AMZ1: variants seen among roughly 807,000 people sequenced by gnomAD.
The protein encoded by AMZ1 is archaelysin family metallopeptidase 1.
Under a neutral mutation model 29.9 loss-of-function variants are expected in AMZ1, and 39 were observed. The ratio of observed to expected loss-of-function variants is 1.30; its 90% confidence interval spans 1.01 to 1.70. AMZ1 has a LOEUF of 1.70. Ranked by LOEUF, AMZ1 falls within the 40% of genes most tolerant of loss-of-function variation. AMZ1 has a pLI of 0.00. For missense variants in AMZ1, 1,041 were observed against 680.6 expected (o/e 1.53, Z -5.89); for synonymous variants, 458 against 304.0 (o/e 1.51, Z -5.27).
intron 4 of AMZ1, among the ~76,000 whole-genome samples, chr7:2,746,431 T>C (rs1583227891): frequency 1.3e-5 from 2 of 151,946 alleles, no homozygotes; most frequent in Non-Finnish European, 2.9e-5. Context: ...GGGTACATAA[T>C]GAAATGAAGG....
intron 1 of AMZ1, among the ~76,000 whole-genome samples, chr7:2,698,435 G>T (rs1297057349): frequency 6.6e-6 from 1 of 152,102 alleles, no homozygotes; most frequent in Non-Finnish European, 1.5e-5. Flanking sequence ...CCACTTGGGA[G>T]GCTGGGGCAG....
rs1790904867 is a variant in AMZ1, at chr7:2,749,133, C to A, written n.551-15579C>A. Among the ~76,000 whole-genome samples the A allele has an allele frequency of 2.0e-5, 3 of 152,142 alleles. No individual in the cohort carries two copies. The South Asian group carries it at 6.2e-4, about 32-fold the overall frequency. ...CCTCAGGGATCTAGAACTAGAAATACCATTGGACCCAGCCATCCCATTACT... is the reference window on the plus strand; with the variant it reads ...CCTCAGGGATCTAGAACTAGAAATAACATTGGACCCAGCCATCCCATTACT... On this transcript the variant is annotated intron_variant and non_coding_transcript_variant, in intron 4 of 4. Transcript: ENST00000489665.
At chr7:2,706,078 G>A (rs1194308866) in intron 3 of AMZ1, among the ~76,000 whole-genome samples, 3 of 152,244 alleles carry the variant, frequency 2.0e-5, no homozygotes, top group Non-Finnish European at 2.9e-5. Context: ...AGGTGCACGG[G>A]GGAGCCCTCG....
chr7:2,694,721 G>A (rs1787602523), intron 1 of AMZ1, among the ~76,000 whole-genome samples: 1 of 151,092 alleles, frequency 6.6e-6, no homozygotes, highest in African/African-American at 2.4e-5. Flanking sequence ...CACTCAGGCT[G>A]GAGTGCAGTG....
intron 4 of AMZ1, among the ~76,000 whole-genome samples, chr7:2,736,939 C>A (rs1397240763): frequency 6.6e-6 from 1 of 152,364 alleles, no homozygotes; most frequent in East Asian, 1.9e-4. Context: ...ACCAGACCCT[C>A]GAGATCAGTA....
chr7:2,751,805 G>A (rs542328305), intron 4 of AMZ1, among the ~76,000 whole-genome samples: 5 of 152,108 alleles, frequency 3.3e-5, no homozygotes, highest in Non-Finnish European at 7.4e-5. Flanking sequence ...TTCCCAAAAC[G>A]GATACTGTAT....
At chr7:2,696,070 G>C (rs927066816) in intron 1 of AMZ1, among the ~76,000 whole-genome samples, 1 of 150,964 alleles carries the variant, frequency 6.6e-6, no homozygotes, top group Non-Finnish European at 1.5e-5. Flanking sequence ...AAATCTGTGT[G>C]TTCCAACCCC....
intron 3 of AMZ1, among the ~76,000 whole-genome samples, chr7:2,704,883 A>G (rs1309200302): frequency 6.6e-6 from 1 of 152,122 alleles, no homozygotes; most frequent in Non-Finnish European, 1.5e-5. Flanking sequence ...GGTGTGAGCC[A>G]CTGCGCCCGG....
intron 1 of AMZ1, among the ~76,000 whole-genome samples, chr7:2,688,615 G>A (rs1037860579): frequency 1.3e-5 from 2 of 152,220 alleles, no homozygotes; most frequent in Non-Finnish European, 2.9e-5. Context: ...GCTTCCCGAT[G>A]GGAGCAAACT....
At chr7:2,699,029 A>C (rs1343736929) in intron 1 of AMZ1, among the ~76,000 whole-genome samples, 3 of 151,988 alleles carry the variant, frequency 2.0e-5, no homozygotes, top group Admixed American at 6.6e-5. Flanking sequence ...GGGTCTATTC[A>C]CACGTCCTTA....
chr7:2,686,353 C>T (rs932025045), upstream of AMZ1, among the ~76,000 whole-genome samples: 2 of 152,058 alleles, frequency 1.3e-5, no homozygotes, highest in East Asian at 1.9e-4. Flanking sequence ...AGCAACATAG[C>T]GAGATCCCAT....
At chr7:2,727,691 G>C (rs1045906776) in intron 4 of AMZ1, among the ~76,000 whole-genome samples, 1 of 152,112 alleles carries the variant, frequency 6.6e-6, no homozygotes, top group African/African-American at 2.4e-5. Context: ...CTACATGCCA[G>C]GCTTTGTTTG....
chr7:2,760,347 C>T (rs1230026891), upstream of AMZ1: 1 of 152,406 alleles, frequency 6.6e-6, no homozygotes, highest in Non-Finnish European at 1.5e-5. Flanking sequence ...CTTACCAGTA[C>T]ACCAGGGGGA....
intron 1 of AMZ1, among the ~76,000 whole-genome samples, chr7:2,690,311 A>G (rs978314711): frequency 6.6e-6 from 1 of 152,172 alleles, no homozygotes; most frequent in Non-Finnish European, 1.5e-5. Context: ...CTCGACCTCC[A>G]GGGCGAAAGC....
chr7:2,691,475 G>T (rs1787382268), intron 1 of AMZ1, among the ~76,000 whole-genome samples: 3 of 148,950 alleles, frequency 2.0e-5, no homozygotes, highest in African/African-American at 7.8e-5. Context: ...GGGCGCGGTG[G>T]CTCACACATA....
chr7:2,731,380 T>C lies in AMZ1; in HGVS notation n.550+21564T>C, dbSNP rs753239425. 5.6e-6 allele frequency: 9 copies of C among 1,613,122 alleles called. No individual in the cohort carries two copies. The highest frequency in any genetic ancestry group is 5.9e-6 in the Non-Finnish European group (7 of 1,179,444). On this transcript the variant is annotated intron_variant and non_coding_transcript_variant, in intron 4 of 4. Transcript: ENST00000489665. The surrounding 1 kb of genome is among the most constrained non-coding windows in gnomAD (Gnocchi z 6.0). Reference sequence around the variant, plus strand: ...CAGCCTGTGCGGGTCGCCCCTGAAGTCCGGGAAGTGCTTCTTGATGCTCAC... The same window carrying C: ...CAGCCTGTGCGGGTCGCCCCTGAAGCCCGGGAAGTGCTTCTTGATGCTCAC...
intron 3 of AMZ1, among the ~76,000 whole-genome samples, chr7:2,705,768 G>A (rs1026984486): frequency 6.6e-6 from 1 of 152,208 alleles, no homozygotes; most frequent in Non-Finnish European, 1.5e-5. Context: ...CACTCCACAG[G>A]CTTCCCCAGC....
intron 4 of AMZ1, among the ~76,000 whole-genome samples, chr7:2,759,402 C>G (rs1791455014): frequency 6.6e-6 from 1 of 152,142 alleles, no homozygotes; most frequent in African/African-American, 2.4e-5. Context: ...TCACAATACT[C>G]ACGGTGTGTT....
intron 3 of AMZ1, 132 bp downstream of exon 3, chr7:2,703,021 G>A (rs1788151040): frequency 1.5e-6 from 2 of 1,304,024 alleles, no homozygotes; most frequent in South Asian, 1.5e-5. Context: ...TTTCCCAGGT[G>A]TTTGGGAAGC....
Sources: gnomAD v4.1 joint callset for allele counts (sites outside exome capture counted in the v4.1 genomes callset) on GRCh38, gnomAD v4.1.1 for gene constraint, Gnocchi (gnomAD v3.1) non-coding constraint, MANE v1.5 for transcripts, NCBI Gene and HGNC (gene_info 2026-07-23, HGNC 2026-07-21) for gene names.